TCL1B: variants seen among roughly 807,000 people sequenced by gnomAD.
The protein encoded by TCL1B is TCL1 family AKT coactivator B.
A neutral mutation model predicts 16.9 loss-of-function variants in TCL1B; 14 were observed. That is an observed-to-expected ratio of 0.83 (90% CI 0.55 to 1.30). The LOEUF (loss-of-function observed/expected upper bound fraction) is 1.30, where lower values mean the gene tolerates loss of function less well. Among genes scored for constraint, TCL1B ranks in the 50% most tolerant of loss-of-function variants. The pLI is 0.00. For synonymous variants in TCL1B, 79 were observed against 66.6 expected (o/e 1.19, Z -0.91); for missense variants, 166 against 165.2 (o/e 1.00, Z -0.03).
At chr14:95,691,095 C>T (rs925594481) in intron 2 of TCL1B, among the ~76,000 whole-genome samples, 173 bp from the exon 3 acceptor site, 8 of 152,240 alleles carry the variant, frequency 5.3e-5, no homozygotes, top group Non-Finnish European at 8.8e-5. Flanking sequence ...GGGATGCAGG[C>T]AGAGTGGGTG....
chr14:95,686,691 G>C, intron 1 of TCL1B, 62 bp downstream of exon 1: 1 of 1,506,374 alleles, frequency 6.6e-7, no homozygotes, highest in East Asian at 2.3e-5. Flanking sequence ...TGCCCGTGTG[G>C]GACCGCGGTG....
At position 95,692,276 on chromosome 14, in the gene TCL1B, G is replaced by A. The variant is rs1458177948; in HGVS notation, c.*361G>A. 1 of 152,480 alleles carries A rather than the reference G, an allele frequency of 6.6e-6. No individual in the cohort carries two copies. The highest frequency in any genetic ancestry group is 1.5e-5 in the Non-Finnish European group (1 of 68,294). 9.4% of individuals were successfully genotyped at this position (152,480 alleles called of 1,614,324 possible). ...TCCCAAATCCCCTTCATACCCACCA[G>A]GATGTGTGCCCAGCCAGGCCTCCAG... On this transcript the variant is annotated 3_prime_UTR_variant, in exon 4 of 4. Coordinates refer to ENST00000340722, the MANE Select transcript of TCL1B (RefSeq NM_004918.4).
At chr14:95,690,388 C>CG (rs1885852950) in intron 1 of TCL1B, among the ~76,000 whole-genome samples, 9 of 8,186 alleles carry the variant, frequency 1.1e-3, no homozygotes, top group Non-Finnish European at 6.7e-3. Flanking sequence ...CCCTCAGATC[C>CG]AGAGTCCATG....
In TCL1B at chr14:95,690,835, TG is replaced by T. The variant is rs1267755082; in HGVS notation, c.264del (p.Trp88CysfsTer19). 6.2e-7 allele frequency: 1 copy of T among 1,614,024 alleles called. No homozygotes were observed. The highest frequency in any genetic ancestry group is 1.3e-5 in the African/African-American group (1 of 74,934). ...GCCCTTCTCCCAGCTGCCCGCCGTG[TG>T]GCAGCTCTACCCCGGGAGGAAGTAC... is the stretch of plus-strand genomic sequence containing the variant. ...QMPFSQLPAV[W>X]QLYPGRKYRA... On this transcript the variant is annotated frameshift_variant, in exon 2 of 4. Transcript: ENST00000340722. LOFTEE classifies it high-confidence loss of function.
chr14:95,687,609 G>T (rs2139703384), intron 1 of TCL1B, among the ~76,000 whole-genome samples: 1 of 152,180 alleles, frequency 6.6e-6, no homozygotes, highest in South Asian at 2.1e-4. Flanking sequence ...GGAAATGGGG[G>T]GCTGGCTGTA....
intron 1 of TCL1B, 94 bp downstream of exon 1, chr14:95,686,723 C>T: frequency 7.1e-7 from 1 of 1,402,242 alleles, no homozygotes; most frequent in African/African-American, 1.4e-5. Flanking sequence ...GGGCCGTTCT[C>T]ACCCGCACTG....
chr14:95,690,782 C>T lies in TCL1B; in HGVS notation c.209C>T (p.Thr70Ile). 6.2e-7 allele frequency: 1 copy of T among 1,614,208 alleles called. No individual in the cohort carries two copies. The highest frequency in any genetic ancestry group is 8.5e-7 in the Non-Finnish European group (1 of 1,180,024). ...TVHLWQMAVH[T>I]RELLSSGQMP... ...CACTTGTGGCAGATGGCAGTGCATA[C>T]CCGGGAGCTACTCTCCTCCGGCCAG... Residue 70 changes from threonine (T) to isoleucine (I), a missense_variant, in exon 2 of 4, where the codon ACC becomes ATC. Thr to Ile is a moderately conservative substitution (Grantham distance 89, BLOSUM62 -1). Transcript: ENST00000340722.
At chr14:95,688,140 C>T (rs112494872) in intron 1 of TCL1B, 2,609 of 150,498 alleles carry the variant, frequency 0.017, 35 homozygotes, top group Non-Finnish European at 0.028. Flanking sequence ...GGATTACAGG[C>T]GATTTTTTTT....
At chr14:95,689,875 AAAG>A (rs1885843956) in intron 1 of TCL1B, among the ~76,000 whole-genome samples, 1 of 152,270 alleles carries the variant, frequency 6.6e-6, no homozygotes, top group Non-Finnish European at 1.5e-5. Flanking sequence ...TTTTATCACA[AAAG>A]AAGACAAATA....
At position 95,690,901 on chromosome 14, in the gene TCL1B, G is replaced by A. The variant is rs200897601; in HGVS notation, c.328G>A (p.Gly110Ser). The change falls in exon 2 of 4, where the codon GGC becomes AGC. Residue 110 changes from glycine to serine, a missense_variant. By Grantham distance (56) the Gly-to-Ser change is moderately conservative (BLOSUM62 0). Coordinates refer to ENST00000340722, the MANE Select transcript of TCL1B (RefSeq NM_004918.4). ...DSSFWEIADH[G>S]QIDSMEQLVL... ...CAGTTTCTGGGAAATAGCAGACCATGGCCAGGCAAGTGTGTGGTGGTTCTA... is the reference window on the plus strand; with the variant it reads ...CAGTTTCTGGGAAATAGCAGACCATAGCCAGGCAAGTGTGTGGTGGTTCTA... 2.5e-5 allele frequency: 40 copies of A among 1,613,350 alleles called. No individual in the cohort carries two copies. The highest frequency in any genetic ancestry group is 3.4e-5 in the Non-Finnish European group (40 of 1,179,440).
At chr14:95,689,386 G>T (rs1312588784) in intron 1 of TCL1B, 5 of 151,990 alleles carry the variant, frequency 3.3e-5, no homozygotes. Flanking sequence ...TTAGCCACGG[G>T]TGGGATAAGG....
intron 2 of TCL1B, 51 bp downstream of exon 2, chr14:95,690,957 G>T: frequency 1.3e-6 from 2 of 1,588,184 alleles, no homozygotes; most frequent in South Asian, 1.1e-5. Flanking sequence ...CCTGGTGACT[G>T]CCGTGGCCCT....
At chr14:95,686,788 G>A (rs751295333) in intron 1 of TCL1B, among the ~76,000 whole-genome samples, 159 bp downstream of exon 1, 11 of 152,168 alleles carry the variant, frequency 7.2e-5, no homozygotes, top group Non-Finnish European at 1.2e-4. Flanking sequence ...GCCCAGCCCT[G>A]GCCCCAGGAA....
In TCL1B at chr14:95,690,811, C is replaced by T. The variant is rs1320668244; in HGVS notation, c.238C>T (p.Pro80Ser). 5 of 1,614,228 alleles carry T rather than the reference C, an allele frequency of 3.1e-6. No individual in the cohort carries two copies. Among genetic ancestry groups the T allele is most frequent in the African/African-American group, 1.3e-5 (1 of 75,050 alleles). ...GGAGCTACTCTCCTCCGGCCAGATG[C>T]CCTTCTCCCAGCTGCCCGCCGTGTG... ...TRELLSSGQM[P>S]FSQLPAVWQL... The change falls in exon 2 of 4, where the codon CCC becomes TCC. Residue 80 changes from proline to serine, a missense_variant. Physicochemically the swap from Pro to Ser is moderately conservative, Grantham distance 74. Transcript: ENST00000340722.
rs1410023270 is a variant in TCL1B at position 95,686,647 on chromosome 14, G to A, written c.162+18G>A. The A allele has an allele frequency of 6.9e-6, 11 of 1,593,052 alleles. No individual in the cohort carries two copies. Among genetic ancestry groups the A allele is most frequent in the Non-Finnish European group, 6.8e-6 (8 of 1,170,428 alleles). The stretch of plus-strand genomic sequence containing the variant: ...GCAGCAGAGTGAGTCCTGGGCACGA[G>A]GGGAGGCTGTGGGGAGGGCTGCGCA... On this transcript the variant is annotated intron_variant, in intron 1 of 3. Coordinates refer to ENST00000340722, the MANE Select transcript of TCL1B (RefSeq NM_004918.4).
intron 1 of TCL1B, 31 bp from the exon 2 acceptor site, chr14:95,690,705 T>G: frequency 6.3e-7 from 1 of 1,591,218 alleles, no homozygotes; most frequent in South Asian, 1.1e-5. Context: ...ACCCTATCCA[T>G]GATTTGCCGC....
chr14:95,690,679 G>C (rs1033835132), intron 1 of TCL1B, 57 bp from the exon 2 acceptor site: 3 of 1,569,488 alleles, frequency 1.9e-6, no homozygotes, highest in Non-Finnish European at 2.6e-6. Context: ...CTTGTGTGCA[G>C]CCCAGTTGGC....
At chr14:95,687,324 G>A (rs1305659005) in intron 1 of TCL1B, among the ~76,000 whole-genome samples, 1 of 152,158 alleles carries the variant, frequency 6.6e-6, no homozygotes, top group Non-Finnish European at 1.5e-5. Context: ...GAGGGATGAA[G>A]TAAATACAGT....
In TCL1B at chr14:95,686,571, T is replaced by C. The variant is rs750069530; in HGVS notation, c.104T>C (p.Val35Ala). The C allele has an allele frequency of 7.4e-6, 12 of 1,613,666 alleles. No homozygotes were observed. Among genetic ancestry groups the C allele is most frequent in the Admixed American group, 1.7e-5 (1 of 59,980 alleles). Residue 35 changes from valine to alanine, a missense_variant, in exon 1 of 4, where the codon GTG becomes GCG. Physicochemically the swap from Val to Ala is moderately conservative, Grantham distance 64. Coordinates refer to ENST00000340722, the MANE Select transcript of TCL1B (RefSeq NM_004918.4). ...EDEEGRTWVT[V>A]VVRFNPSRRE... ...GAGGAGGGGAGAACCTGGGTGACTG[T>C]GGTCGTGCGGTTCAATCCCTCGCGT...
Sources: allele counts gnomAD v4.1 joint callset (sites outside exome capture counted in the v4.1 genomes callset), GRCh38; gene constraint gnomAD v4.1.1; transcripts MANE v1.5; gene names NCBI Gene and HGNC (gene_info 2026-07-23, HGNC 2026-07-21).